The following HDAC9 variants were observed in gnomAD, a reference collection of about 807,000 sequenced individuals.
The protein encoded by HDAC9 is MEF-2 interacting transcription repressor (MITR) protein.
A neutral mutation model predicts 139.4 loss-of-function variants in HDAC9; 41 were observed. That is an observed-to-expected ratio of 0.29 (90% CI 0.23 to 0.38). The LOEUF (loss-of-function observed/expected upper bound fraction) is 0.38, where lower values mean the gene tolerates loss of function less well. Among genes scored for constraint, HDAC9 ranks in the 10% least tolerant of loss-of-function variants. HDAC9 has a pLI of 1.00. For missense variants in HDAC9, 1,147 were observed against 1,297.0 expected (o/e 0.88, Z 1.78); for synonymous variants, 517 against 476.2 (o/e 1.09, Z -1.12).
chr7:18,722,703 A>G (rs1382394223), intron 12 of HDAC9, among the ~76,000 whole-genome samples: 1 of 152,168 alleles, frequency 6.6e-6, no homozygotes, highest in Non-Finnish European at 1.5e-5. Flanking sequence ...GTATAATAAC[A>G]TGTGGTTTAC....
chr7:18,150,064 G>A (rs1429225474), intron 1 of HDAC9, among the ~76,000 whole-genome samples: 1 of 136,164 alleles, frequency 7.3e-6, no homozygotes, highest in Non-Finnish European at 1.6e-5. Context: ...ATTTGTCTTT[G>A]CACTTTATTA....
At chr7:18,357,354 A>G (rs1363797402) in intron 1 of HDAC9, among the ~76,000 whole-genome samples, 1 of 152,180 alleles carries the variant, frequency 6.6e-6, no homozygotes, top group Non-Finnish European at 1.5e-5. Context: ...CCTAGCAGTT[A>G]AATTGACTTT....
chr7:18,956,845 G>A (rs1255531942), intron 24 of HDAC9, among the ~76,000 whole-genome samples: 1 of 152,090 alleles, frequency 6.6e-6, no homozygotes, highest in East Asian at 1.9e-4. Flanking sequence ...TAGCTTCATG[G>A]GCATTCAGCC....
intron 16 of HDAC9, among the ~76,000 whole-genome samples, chr7:18,786,485 T>TCTTCCTTCCTTCCTTC (rs143616708): frequency 2.3e-5 from 3 of 128,480 alleles, no homozygotes; most frequent in Admixed American, 7.4e-5. Context: ...TTCCTTCCTT[T>TCTTCCTTCCTTCCTTC]CTTCCTTCCT....
intron 1 of HDAC9, among the ~76,000 whole-genome samples, chr7:18,308,552 A>G (rs900760165): frequency 5.3e-5 from 8 of 152,236 alleles, no homozygotes; most frequent in Middle Eastern, 3.4e-3. Flanking sequence ...GTTTTGGTGT[A>G]CTCAGTAGGT....
chr7:18,702,379 T>A (rs1783563003), intron 12 of HDAC9, among the ~76,000 whole-genome samples: 2 of 152,320 alleles, frequency 1.3e-5, no homozygotes, highest in African/African-American at 4.8e-5. Context: ...GACGCACTGG[T>A]GTCCGCAGCA....
At chr7:18,944,087 T>G (rs1318915534) in intron 23 of HDAC9, among the ~76,000 whole-genome samples, 1 of 152,170 alleles carries the variant, frequency 6.6e-6, no homozygotes. Flanking sequence ...ACAATCAAAT[T>G]AAACATACAC....
chr7:18,715,324 A>C (rs1784623787), intron 12 of HDAC9, among the ~76,000 whole-genome samples: 1 of 151,918 alleles, frequency 6.6e-6, no homozygotes, highest in Non-Finnish European at 1.5e-5. Context: ...TCTTATTTTT[A>C]TTTTTAAAAT....
intron 1 of HDAC9, among the ~76,000 whole-genome samples, chr7:18,354,516 C>T (rs1783100659): frequency 6.6e-6 from 1 of 152,134 alleles, no homozygotes; most frequent in Non-Finnish European, 1.5e-5. Context: ...GGAGGTGAGT[C>T]AGCAGGCCTT....
At chr7:18,359,555 T>C (rs1460365954) in intron 1 of HDAC9, among the ~76,000 whole-genome samples, 2 of 152,150 alleles carry the variant, frequency 1.3e-5, no homozygotes, top group African/African-American at 4.8e-5. Flanking sequence ...AACTTGCATG[T>C]AACTGTAGTC....
chr7:18,424,187 T>C (rs1585797106), intron 1 of HDAC9, among the ~76,000 whole-genome samples: 1 of 152,248 alleles, frequency 6.6e-6, no homozygotes, highest in African/African-American at 2.4e-5. Context: ...AAATGTTTAC[T>C]GTTACACACT....
chr7:18,763,581 C>G (rs943067520), intron 15 of HDAC9, among the ~76,000 whole-genome samples: 35 of 152,230 alleles, frequency 2.3e-4, no homozygotes, highest in African/African-American at 8.4e-4. Flanking sequence ...AAACCAGTCT[C>G]TGTACATGCA....
intron 13 of HDAC9, among the ~76,000 whole-genome samples, chr7:18,732,820 T>TGTTTGTGTGC (rs2129134320): frequency 2.0e-5 from 2 of 98,560 alleles, no homozygotes; most frequent in Non-Finnish European, 4.0e-5. Flanking sequence ...CACACACGTG[T>TGTTTGTGTGC]GTATGTGTGC....
At chr7:18,492,283 T>C (rs1796429459), upstream of HDAC9, among the ~76,000 whole-genome samples, 1 of 151,974 alleles carries the variant, frequency 6.6e-6, no homozygotes, top group South Asian at 2.1e-4. Context: ...GATTGTGTCT[T>C]TCAGGATTGT....
chr7:18,384,827 G>T (rs751167020), intron 1 of HDAC9, among the ~76,000 whole-genome samples: 63 of 152,188 alleles, frequency 4.1e-4, no homozygotes, highest in Non-Finnish European at 7.9e-4. Flanking sequence ...GCAGAAGGGG[G>T]TTTATTTTAT....
intron 1 of HDAC9, among the ~76,000 whole-genome samples, chr7:18,149,027 G>A (rs1786553534): frequency 6.6e-6 from 1 of 152,124 alleles, no homozygotes; most frequent in African/African-American, 2.4e-5. Flanking sequence ...ATTTTAAATG[G>A]TGTGTGCATT....
At chr7:18,180,412 CT>C (rs538848662) in intron 2 of HDAC9, among the ~76,000 whole-genome samples, 93 of 149,078 alleles carry the variant, frequency 6.2e-4, no homozygotes, top group Non-Finnish European at 8.1e-4. Flanking sequence ...TTTCTTTTTT[CT>C]TTTTTTTTTC....
intron 21 of HDAC9, among the ~76,000 whole-genome samples, chr7:18,859,733 C>G (rs562107973): frequency 4.7e-4 from 69 of 145,930 alleles, no homozygotes; most frequent in African/African-American, 1.7e-3. Context: ...AATGTTTGAC[C>G]TTTCTTTTTC....
At chr7:18,980,904 A>G (rs1401740568) in intron 25 of HDAC9, among the ~76,000 whole-genome samples, 14 of 149,064 alleles carry the variant, frequency 9.4e-5, no homozygotes, top group Non-Finnish European at 4.5e-5. Flanking sequence ...GCTCACTGCA[A>G]CCTCCACCTC....
Sources: allele counts gnomAD v4.1 joint callset (sites outside exome capture counted in the v4.1 genomes callset), GRCh38; gene constraint gnomAD v4.1.1; transcripts MANE v1.5; gene names NCBI Gene and HGNC (gene_info 2026-07-23, HGNC 2026-07-21).